The following FXN variants were observed in gnomAD, a reference collection of about 807,000 sequenced individuals.
The protein encoded by FXN is frataxin, mitochondrial.
A neutral mutation model predicts 22.4 loss-of-function variants in FXN; 14 were observed. The ratio of observed to expected loss-of-function variants is 0.62; its 90% CI spans 0.41 to 0.98. The LOEUF is 0.98. Among genes scored for constraint, FXN ranks in the 50% least tolerant of loss-of-function variants. The pLI is 0.00. For missense variants in FXN, 267 were observed against 268.4 expected, an observed-to-expected ratio of 0.99 and a Z score of 0.04; for synonymous variants, 120 against 114.1, an observed-to-expected ratio of 1.05 and a Z score of -0.33.
Position 69,075,583 on chromosome 9 carries a change from C to A in FXN, c.*2821C>A. On this transcript the variant is annotated 3_prime_UTR_variant, in exon 5 of 5. Transcript: ENST00000484259. ...ACTGTGTGTACCAATAGCCTCCCCA[C>A]CACAGACCCTGGGAGCATCGCCTCA... The A allele has an allele frequency of 1.0e-6, 1 of 985,308 alleles. No individual in the cohort carries two copies. The highest frequency in any genetic ancestry group is 1.1e-4 in the East Asian group (1 of 8,814). 61.0% of individuals were successfully genotyped at this position (985,308 alleles called of 1,614,324 possible).
chr9:69,071,719 T>C (rs370197247), intron 4 of FXN, among the ~76,000 whole-genome samples: 1 of 152,204 alleles, frequency 6.6e-6, no homozygotes, highest in South Asian at 2.1e-4. Flanking sequence ...GAAAAATATG[T>C]TTTAAAAATA....
rs1416245075 is a variant in FXN, at chr9:69,074,880, A to C, written c.*2118A>C. On this transcript the variant is annotated 3_prime_UTR_variant, in exon 5 of 5. Coordinates refer to ENST00000484259, the MANE Select transcript of FXN (RefSeq NM_000144.5). ...GGCCAGTGCCAGTGAGAAAATAAAT[A>C]ACATCATACATGTTTGTATGTGTTT... 2.0e-6 allele frequency: 2 copies of C among 985,350 alleles called. No homozygotes were observed. Among genetic ancestry groups the C allele is most frequent in the Admixed American group, 6.1e-5 (1 of 16,274 alleles). The allele number at this position is 985,350 out of a possible 1,614,324, so 61.0% of individuals were successfully genotyped here. A position where few individuals can be genotyped will look rare whatever the true frequency, so the allele number is the denominator to read the frequency against.
chr9:69,061,216 G>T (rs1832066267), intron 3 of FXN, among the ~76,000 whole-genome samples: 1 of 152,214 alleles, frequency 6.6e-6, no homozygotes, highest in African/African-American at 2.4e-5. Context: ...GTGGTTGCAT[G>T]TGCACCCCCT....
At position 69,074,524 on chromosome 9, in the gene FXN, A is replaced by T. The variant is rs1365908961; in HGVS notation, c.*1762A>T. ...GACAGAGCGAGACTCCGTCTCAAAA[A>T]AAAAAAAAAGGAGGGTTTATTAATG... On this transcript the variant is annotated 3_prime_UTR_variant, in exon 5 of 5. Coordinates refer to ENST00000484259, the MANE Select transcript of FXN (RefSeq NM_000144.5). 1.1e-6 allele frequency: 1 copy of T among 948,114 alleles called. No individual in the cohort carries two copies. The highest frequency in any genetic ancestry group is 1.2e-6 in the Non-Finnish European group (1 of 816,624). The allele number at this position is 948,114 out of a possible 1,614,324, so 58.7% of individuals were successfully genotyped here.
chr9:69,063,175 C>T lies in FXN; in HGVS notation c.385-1763C>T, dbSNP rs186675863. Among the ~76,000 whole-genome samples, 164 of 152,190 alleles carry T rather than the reference C, an allele frequency of 1.1e-3. 2 individuals are homozygous for T. Among genetic ancestry groups the T allele is most frequent in the African/African-American group, 3.6e-3 (151 of 41,520 alleles). ...GATCCTGCCACTGCTGCAGCCTGAG[C>T]AACAGAGCAAGACCCTGTTGTAAAA... On this transcript the variant is annotated intron_variant, in intron 3 of 4. Coordinates refer to ENST00000484259, the MANE Select transcript of FXN (RefSeq NM_000144.5).
At chr9:69,047,821 A>C (rs1831787416) in intron 2 of FXN, among the ~76,000 whole-genome samples, 2 of 151,800 alleles carry the variant, frequency 1.3e-5, no homozygotes. Context: ...GGGTTCAAGC[A>C]ATCCTCCTGC....
chr9:69,040,465 G>C (rs1831637169), intron 1 of FXN, among the ~76,000 whole-genome samples: 1 of 152,096 alleles, frequency 6.6e-6, no homozygotes, highest in Non-Finnish European at 1.5e-5. Flanking sequence ...TCAGGAGATG[G>C]AGACCATCCT....
chr9:69,047,899 G>C (rs560240580), intron 2 of FXN, among the ~76,000 whole-genome samples: 154 of 152,180 alleles, frequency 1.0e-3, no homozygotes, highest in Non-Finnish European at 1.8e-3. Flanking sequence ...TGTATTTTTA[G>C]TAAAGACGGG....
chr9:69,067,138 G>A (rs969813784), intron 4 of FXN, among the ~76,000 whole-genome samples: 1 of 152,244 alleles, frequency 6.6e-6, no homozygotes, highest in Non-Finnish European at 1.5e-5. Context: ...GGGGGATGGA[G>A]GCCGAGTCAG....
chr9:69,063,937 G>A (rs1035261718), intron 3 of FXN, among the ~76,000 whole-genome samples: 2 of 152,184 alleles, frequency 1.3e-5, no homozygotes, highest in Non-Finnish European at 2.9e-5. Context: ...GCCTGCCTCG[G>A]CCTCCCAAAG....
At chr9:69,045,512 G>T (rs1398622321) in intron 1 of FXN, among the ~76,000 whole-genome samples, 5 of 152,144 alleles carry the variant, frequency 3.3e-5, no homozygotes, top group Non-Finnish European at 7.3e-5. Flanking sequence ...AGAATCACTC[G>T]AACCCGGGAG....
intron 1 of FXN, among the ~76,000 whole-genome samples, chr9:69,041,795 A>G (rs770552483): frequency 3.9e-5 from 6 of 152,128 alleles, no homozygotes; most frequent in Non-Finnish European, 8.8e-5. Context: ...ACTATCTAAT[A>G]TTTCCTCAAA....
At chr9:69,066,633 G>A (rs763949306) in intron 4 of FXN, among the ~76,000 whole-genome samples, 11 of 152,116 alleles carry the variant, frequency 7.2e-5, no homozygotes, top group African/African-American at 2.7e-4. Context: ...CCGGGGGAAC[G>A]AAGTGGATCA....
intron 4 of FXN, among the ~76,000 whole-genome samples, chr9:69,072,382 G>A (rs1832290943): frequency 2.0e-5 from 3 of 152,152 alleles, no homozygotes; most frequent in Admixed American, 2.0e-4. Flanking sequence ...TATCAGTAAG[G>A]GTCAAATGTT....
At chr9:69,063,633 T>C (rs1832115643) in intron 3 of FXN, among the ~76,000 whole-genome samples, 1 of 152,188 alleles carries the variant, frequency 6.6e-6, no homozygotes, top group Non-Finnish European at 1.5e-5. Context: ...GTTATATTAT[T>C]ATTGTTACTA....
rs755663313 is a variant in FXN, at chr9:69,035,915, G to A, written c.133G>A (p.Asp45Asn). The A allele has an allele frequency of 8.3e-6, 12 of 1,450,502 alleles. No homozygotes were observed. The African/African-American group carries it at 9.0e-5, about 11-fold the overall frequency. The allele number at this position is 1,450,502 out of a possible 1,614,324, so 89.9% of individuals were successfully genotyped here. A position where few individuals can be genotyped will look rare whatever the true frequency, so the allele number is the denominator to read the frequency against. The change falls in exon 1 of 5, where the codon GAC becomes AAC. Residue 45 changes from aspartate (D) to asparagine (N), a missense_variant. Transcript: ENST00000484259. ...CTGCGGCCGCCGTGGCCTGCGCACC[G>A]ACATCGATGCGACCTGCACGCCCCG... ...PLCGRRGLRTDIDATCTPRRA... is the reference protein window; with the variant it reads ...PLCGRRGLRTNIDATCTPRRA...
Position 69,078,233 on chromosome 9 carries a change from G to A in FXN, c.*5471G>A, listed in dbSNP as rs1832406820. On this transcript the variant is annotated 3_prime_UTR_variant, in exon 5 of 5. Coordinates refer to ENST00000484259, the MANE Select transcript of FXN (RefSeq NM_000144.5). Reference sequence around the variant, plus strand: ...TGTTGACAGAGATTATAACTACAATGTGAAGTGAATGGTGCCACTGACAGT... The same window carrying A: ...TGTTGACAGAGATTATAACTACAATATGAAGTGAATGGTGCCACTGACAGT... 1.1e-5 allele frequency: 11 copies of A among 985,144 alleles called. No homozygotes were observed. Among genetic ancestry groups the A allele is most frequent in the South Asian group, 4.7e-5 (1 of 21,274 alleles). 61.0% of individuals were successfully genotyped at this position (985,144 alleles called of 1,614,324 possible). A position where few individuals can be genotyped will look rare whatever the true frequency, so the allele number is the denominator to read the frequency against.
rs147283326 is a variant in FXN, at chr9:69,050,905, C to T, written c.264-2235C>T. ...AAGCAATTCTCCTGCCTCAGCCTCC[C>T]GAGTAGCTGGGATTACAGGCATGCG... On this transcript the variant is annotated intron_variant, in intron 2 of 4. Coordinates refer to ENST00000484259, the MANE Select transcript of FXN (RefSeq NM_000144.5). Among the ~76,000 whole-genome samples the T allele has an allele frequency of 3.5e-3, 534 of 152,126 alleles. 11 individuals carry two copies. Among genetic ancestry groups the T allele is most frequent in the East Asian group, 0.016 (80 of 5,158 alleles).
chr9:69,048,618 A>G (rs1831800646), intron 2 of FXN, among the ~76,000 whole-genome samples: 1 of 152,058 alleles, frequency 6.6e-6, no homozygotes, highest in Non-Finnish European at 1.5e-5. Context: ...AAAAAGAAAA[A>G]AAAAAGGCCT....
Sources: gnomAD v4.1 joint callset for allele counts (sites outside exome capture counted in the v4.1 genomes callset) on GRCh38, gnomAD v4.1.1 for gene constraint, MANE v1.5 for transcripts, NCBI Gene and HGNC (gene_info 2026-07-23, HGNC 2026-07-21) for gene names.